Variants in DPP10 observed in about 807,000 individuals in gnomAD.
The protein encoded by DPP10 is dipeptidyl peptidase like 10.
Under a neutral mutation model 120.9 loss-of-function variants are expected in DPP10, and 33 were observed. That is an observed-to-expected ratio of 0.27 (90% confidence interval 0.21 to 0.37). DPP10 has a LOEUF of 0.37. Ranked by LOEUF, DPP10 falls within the 10% of genes least tolerant of loss-of-function variation. The pLI is 1.00. For synonymous variants in DPP10, 337 were observed against 326.1 expected (o/e 1.03, Z -0.36); for missense variants, 816 against 942.8 (o/e 0.87, Z 1.76).
At chr2:115,515,288 T>G (rs546704059) in intron 4 of DPP10, among the ~76,000 whole-genome samples, 14 of 152,154 alleles carry the variant, frequency 9.2e-5, no homozygotes, top group African/African-American at 3.4e-4. Flanking sequence ...ATTTATTAGA[T>G]AATATCAAAT....
At chr2:115,683,551 C>G (rs2090794068) in intron 5 of DPP10, among the ~76,000 whole-genome samples, 1 of 151,726 alleles carries the variant, frequency 6.6e-6, no homozygotes, top group Non-Finnish European at 1.5e-5. Flanking sequence ...GAGTACCACT[C>G]TGGTAGGGGA....
At chr2:115,732,249 A>T (rs1402239121) in intron 8 of DPP10, among the ~76,000 whole-genome samples, 1 of 152,226 alleles carries the variant, frequency 6.6e-6, no homozygotes, top group Non-Finnish European at 1.5e-5. Flanking sequence ...TGAGAGAAAG[A>T]GTGACATAAA....
At chr2:115,134,639 C>T (rs540386070) in intron 1 of DPP10, among the ~76,000 whole-genome samples, 21 of 151,832 alleles carry the variant, frequency 1.4e-4, no homozygotes, top group South Asian at 4.2e-4. Flanking sequence ...GGTACAGTGA[C>T]GCAAATAGGG....
chr2:114,452,103 T>G (rs979216994), intron 1 of DPP10, among the ~76,000 whole-genome samples: 2 of 152,152 alleles, frequency 1.3e-5, no homozygotes, highest in Admixed American at 1.3e-4. Context: ...GTACCAAAAT[T>G]TTCCTCTTTA....
intron 1 of DPP10, among the ~76,000 whole-genome samples, chr2:114,918,533 A>G (rs1444524394): frequency 1.3e-5 from 2 of 152,190 alleles, no homozygotes; most frequent in African/African-American, 2.4e-5. Flanking sequence ...TAGCAGGGAC[A>G]TGGAATCAAC....
chr2:114,511,656 C>T (rs1375128006), intron 1 of DPP10, among the ~76,000 whole-genome samples: 2 of 152,162 alleles, frequency 1.3e-5, no homozygotes, highest in Non-Finnish European at 1.5e-5. Flanking sequence ...AAATCAAACT[C>T]GATTATTTGT....
chr2:114,635,834 CAT>C (rs1331717949), intron 1 of DPP10, among the ~76,000 whole-genome samples: 2 of 151,862 alleles, frequency 1.3e-5, no homozygotes, highest in African/African-American at 2.4e-5. Flanking sequence ...AATAAAATCT[CAT>C]ATGTTAGCAT....
rs185203601 is a variant in DPP10, at chr2:115,535,790, G to T, written c.441+9818G>T. 7.9e-5 allele frequency among the ~76,000 whole-genome samples: 12 copies of T among 151,952 alleles called. No individual in the cohort carries two copies. In the East Asian group the frequency reaches 2.3e-3, roughly 29 times the overall value. Reference sequence around the variant, plus strand: ...TGTTTGTATCCTCTTTTATTTCCTTGAGCAGCGATTTGTAGTTCTCCTTGA... The same window carrying T: ...TGTTTGTATCCTCTTTTATTTCCTTTAGCAGCGATTTGTAGTTCTCCTTGA... On this transcript the variant is annotated intron_variant, in intron 5 of 25. Coordinates refer to ENST00000410059, the MANE Select transcript of DPP10 (RefSeq NM_020868.6).
chr2:114,795,302 G>A (rs1683608829), intron 1 of DPP10, among the ~76,000 whole-genome samples: 1 of 149,284 alleles, frequency 6.7e-6, no homozygotes, highest in Admixed American at 6.9e-5. Context: ...AGCCAACATG[G>A]TGAAACCCCA....
Position 115,776,527 on chromosome 2 carries a change from G to A in DPP10, c.1222-681G>A, listed in dbSNP as rs540387653. Among the ~76,000 whole-genome samples, 6 of 152,104 alleles carry A rather than the reference G, an allele frequency of 3.9e-5. No homozygotes were observed. The South Asian group carries it at 1.2e-3, about 32-fold the overall frequency. On this transcript the variant is annotated intron_variant, in intron 13 of 25. Transcript: ENST00000410059. ...TCCAGTCTATCATTGATGGGTATTT[G>A]GGTTGGTTCCAAATCTTTCTAATCC...
intron 1 of DPP10, among the ~76,000 whole-genome samples, chr2:114,859,185 GAACA>G (rs780744732): frequency 7.9e-5 from 12 of 151,118 alleles, no homozygotes; most frequent in African/African-American, 2.2e-4. Context: ...AAGAAAAAAA[GAACA>G]AACAAACAAA....
chr2:115,067,898 T>C (rs760608045), intron 1 of DPP10, among the ~76,000 whole-genome samples: 1 of 147,652 alleles, frequency 6.8e-6, no homozygotes, highest in Non-Finnish European at 1.5e-5. Flanking sequence ...AAGAAAAATA[T>C]TCCTGTGTGG....
chr2:114,470,963 T>G (rs13011555), intron 1 of DPP10, among the ~76,000 whole-genome samples: 1 of 152,090 alleles, frequency 6.6e-6, no homozygotes, highest in African/African-American at 2.4e-5. Flanking sequence ...TATTAGTGCA[T>G]TGTAGGGACA....
At chr2:114,536,413 T>C (rs1306712163) in intron 1 of DPP10, among the ~76,000 whole-genome samples, 1 of 148,380 alleles carries the variant, frequency 6.7e-6, no homozygotes, top group Non-Finnish European at 1.5e-5. Context: ...TTTTTCTTTT[T>C]TTTTTTTTTT....
chr2:114,945,070 AC>A, intron 1 of DPP10, among the ~76,000 whole-genome samples: 1 of 152,336 alleles, frequency 6.6e-6, no homozygotes, highest in African/African-American at 2.4e-5. Context: ...AAAACAAAAC[AC>A]CTAGACACCA....
At chr2:114,483,509 A>G (rs749912857) in intron 1 of DPP10, among the ~76,000 whole-genome samples, 1 of 152,094 alleles carries the variant, frequency 6.6e-6, no homozygotes, top group Non-Finnish European at 1.5e-5. Flanking sequence ...TCGATCCTGA[A>G]AGCGCTTTTT....
At chr2:115,129,231 C>G (rs1159702622) in intron 1 of DPP10, among the ~76,000 whole-genome samples, 1 of 152,300 alleles carries the variant, frequency 6.6e-6, no homozygotes, top group East Asian at 1.9e-4. Flanking sequence ...TTGATAGGAA[C>G]TTTACATCTG....
At chr2:115,139,380 G>A (rs935357459) in intron 1 of DPP10, among the ~76,000 whole-genome samples, 11 of 151,792 alleles carry the variant, frequency 7.2e-5, no homozygotes, top group Non-Finnish European at 1.2e-4. Context: ...GTTATTTCAC[G>A]TAAATCATCA....
intron 7 of DPP10, among the ~76,000 whole-genome samples, chr2:115,702,209 G>A (rs1339279530): frequency 6.6e-6 from 1 of 151,904 alleles, no homozygotes; most frequent in East Asian, 1.9e-4. Context: ...GAACTTAGTC[G>A]TGTTGAAGAA....
Sources: allele counts gnomAD v4.1 joint callset (sites outside exome capture counted in the v4.1 genomes callset), GRCh38; gene constraint gnomAD v4.1.1; transcripts MANE v1.5; gene names NCBI Gene and HGNC (gene_info 2026-07-23, HGNC 2026-07-21).